The following PRKN variants were observed in gnomAD, a reference collection of about 807,000 sequenced individuals.
The protein encoded by PRKN is E3 ubiquitin-protein ligase parkin.
A neutral mutation model predicts 59.5 loss-of-function variants in PRKN; 56 were observed. That is an observed-to-expected ratio of 0.94 (90% confidence interval 0.76 to 1.18). The LOEUF is 1.18. Ranked by LOEUF, PRKN falls within the 50% of genes most tolerant of loss-of-function variation. PRKN has a pLI of 0.00. For missense variants in PRKN, 657 were observed against 596.4 expected (o/e 1.10, Z -1.06); for synonymous variants, 250 against 222.1 (o/e 1.13, Z -1.12).
intron 1 of PRKN, among the ~76,000 whole-genome samples, chr6:162,709,877 T>C (rs1778465325): frequency 6.7e-6 from 1 of 150,350 alleles, no homozygotes; most frequent in Non-Finnish European, 1.5e-5. Flanking sequence ...GCGAATGCTC[T>C]TGCCTAGGAG....
chr6:162,160,581 C>T (rs979401939), intron 4 of PRKN, among the ~76,000 whole-genome samples: 6 of 152,078 alleles, frequency 3.9e-5, no homozygotes, highest in Non-Finnish European at 8.8e-5. Flanking sequence ...TAAAAATAAT[C>T]ATGCTAGCAA....
intron 7 of PRKN, among the ~76,000 whole-genome samples, chr6:161,641,787 T>C (rs899615246): frequency 6.6e-6 from 1 of 152,238 alleles, no homozygotes; most frequent in South Asian, 2.1e-4. Flanking sequence ...AAAGGCAAAG[T>C]GCCCTGTGGC....
At chr6:161,565,596 A>G (rs1006732354) in intron 8 of PRKN, among the ~76,000 whole-genome samples, 4 of 152,140 alleles carry the variant, frequency 2.6e-5, no homozygotes, top group African/African-American at 9.7e-5. Flanking sequence ...CCTTTTGAAG[A>G]AGGTACCTTG....
chr6:162,226,606 T>C (rs1001222750), intron 3 of PRKN, among the ~76,000 whole-genome samples: 3 of 152,192 alleles, frequency 2.0e-5, no homozygotes, highest in African/African-American at 7.2e-5. Context: ...CAATCTTGGC[T>C]TACTGCAATC....
intron 6 of PRKN, among the ~76,000 whole-genome samples, chr6:161,898,310 T>C (rs956456812): frequency 5.9e-5 from 9 of 152,168 alleles, no homozygotes; most frequent in Admixed American, 1.3e-4. Flanking sequence ...TCCTGATGCA[T>C]ATAAGGTAGA....
At chr6:162,347,002 T>G (rs1408293011) in intron 2 of PRKN, among the ~76,000 whole-genome samples, 3 of 151,892 alleles carry the variant, frequency 2.0e-5, no homozygotes, top group Non-Finnish European at 4.4e-5. Context: ...ACTTTTTTAT[T>G]CCTAATATTA....
chr6:162,290,748 C>A (rs1781394937), intron 2 of PRKN, among the ~76,000 whole-genome samples: 1 of 152,134 alleles, frequency 6.6e-6, no homozygotes, highest in Non-Finnish European at 1.5e-5. Flanking sequence ...TTGAACTTTT[C>A]CAGTTCTGCC....
At chr6:161,364,796 G>A (rs1274473621) in intron 10 of PRKN, among the ~76,000 whole-genome samples, 3 of 151,882 alleles carry the variant, frequency 2.0e-5, no homozygotes, top group Non-Finnish European at 4.4e-5. Flanking sequence ...AATACAAAAA[G>A]TAGCTGGGTG....
At chr6:162,031,824 C>A (rs1395031772) in intron 5 of PRKN, among the ~76,000 whole-genome samples, 1 of 152,054 alleles carries the variant, frequency 6.6e-6, no homozygotes, top group Non-Finnish European at 1.5e-5. Context: ...GCCATGGTGC[C>A]CAACTAAGAG....
At chr6:161,634,596 G>A (rs1031990215) in intron 7 of PRKN, among the ~76,000 whole-genome samples, 1 of 152,184 alleles carries the variant, frequency 6.6e-6, no homozygotes, top group Non-Finnish European at 1.5e-5. Flanking sequence ...GACTCAAGGA[G>A]AGCTGGGGAT....
intron 4 of PRKN, among the ~76,000 whole-genome samples, chr6:162,111,386 A>C (rs1253203080): frequency 2.0e-5 from 3 of 152,048 alleles, no homozygotes; most frequent in African/African-American, 7.2e-5. Flanking sequence ...AATGGTGTGA[A>C]CCTGGGAGGC....
At chr6:162,333,602 C>T (rs928433500) in intron 2 of PRKN, among the ~76,000 whole-genome samples, 3 of 152,192 alleles carry the variant, frequency 2.0e-5, no homozygotes, top group African/African-American at 7.2e-5. Flanking sequence ...TGTGTTCCGA[C>T]TGATACGCCA....
chr6:161,848,242 C>T (rs934877192), intron 6 of PRKN, among the ~76,000 whole-genome samples: 2 of 152,112 alleles, frequency 1.3e-5, no homozygotes, highest in Non-Finnish European at 2.9e-5. Flanking sequence ...TGTTCATAGA[C>T]AATTTTTCAC....
intron 7 of PRKN, among the ~76,000 whole-genome samples, chr6:161,722,599 T>A (rs1421009562): frequency 6.6e-6 from 1 of 152,206 alleles, no homozygotes; most frequent in Admixed American, 6.5e-5. Context: ...TTTTGATATA[T>A]CAGCAAATTT....
intron 7 of PRKN, among the ~76,000 whole-genome samples, chr6:161,570,960 A>G (rs1422722509): frequency 1.3e-5 from 2 of 151,994 alleles, no homozygotes; most frequent in African/African-American, 4.8e-5. Context: ...TATTTTTTTG[A>G]GTCAGGGTCT....
intron 6 of PRKN, among the ~76,000 whole-genome samples, chr6:161,811,841 G>GA (rs1470733119): frequency 1.3e-5 from 2 of 151,912 alleles, no homozygotes; most frequent in African/African-American, 4.8e-5. Flanking sequence ...GGTATCGCTT[G>GA]AACCTGGGAG....
At chr6:161,404,370 G>C (rs776318542) in intron 9 of PRKN, among the ~76,000 whole-genome samples, 4 of 152,230 alleles carry the variant, frequency 2.6e-5, no homozygotes, top group Non-Finnish European at 5.9e-5. Context: ...GGTTAGAGCA[G>C]TCACAGAGGA....
chr6:162,443,449 T>C lies in PRKN; in HGVS notation c.32A>G (p.His11Arg). 1 of 1,613,984 alleles carries C rather than the reference T, an allele frequency of 6.2e-7. No homozygotes were observed. Among genetic ancestry groups the C allele is most frequent in the Non-Finnish European group, 8.5e-7 (1 of 1,179,974 alleles). The change falls in exon 2 of 12, where the codon CAT becomes CGT. Residue 11 changes from histidine (H) to arginine (R), a missense_variant. Coordinates refer to ENST00000366898, the MANE Select transcript of PRKN (RefSeq NM_004562.3). The part of the protein sequence containing the change: MIVFVRFNSS[H>R]GFPVEVDSDT... ...AGAATCGACCTCCACTGGGAAACCA[T>C]GGCTGGAGTTGAACCTGACAAACAC... is the stretch of plus-strand genomic sequence containing the variant.
intron 10 of PRKN, among the ~76,000 whole-genome samples, chr6:161,368,452 G>A (rs905009499): frequency 2.8e-5 from 4 of 143,858 alleles, no homozygotes; most frequent in African/African-American, 1.0e-4. Context: ...CTACTCAGGA[G>A]GTTGAGGCAT....
Sources: gnomAD v4.1 joint callset for allele counts (sites outside exome capture counted in the v4.1 genomes callset) on GRCh38, gnomAD v4.1.1 for gene constraint, MANE v1.5 for transcripts, NCBI Gene and HGNC (gene_info 2026-07-23, HGNC 2026-07-21) for gene names.